SETBP1: variants seen among roughly 807,000 people sequenced by gnomAD.
The protein encoded by SETBP1 is SET binding protein 1, also known as SET-binding protein.
SETBP1 carries 9 observed loss-of-function variants against 101.0 expected under a neutral mutation model. The ratio of observed to expected loss-of-function variants is 0.09; its 90% CI spans 0.05 to 0.16. SETBP1 has a LOEUF of 0.16. Among genes scored for constraint, SETBP1 ranks in the 10% least tolerant of loss-of-function variants. The pLI, the probability that SETBP1 is intolerant of heterozygous loss-of-function variation, is 1.00. For missense variants in SETBP1, 1,858 were observed against 2,033.8 expected (o/e 0.91, Z 1.66); for synonymous variants, 818 against 788.5 (o/e 1.04, Z -0.63).
chr18:44,913,129 C>T (rs181431481), intron 3 of SETBP1, among the ~76,000 whole-genome samples: 34 of 152,336 alleles, frequency 2.2e-4, no homozygotes, highest in African/African-American at 7.9e-4. Context: ...CTTTCCTGAT[C>T]CAGCAGATTA....
chr18:44,864,454 G>A (rs1016423404), intron 2 of SETBP1, among the ~76,000 whole-genome samples: 1 of 152,058 alleles, frequency 6.6e-6, no homozygotes, highest in Non-Finnish European at 1.5e-5. Context: ...GAGAGAGAGA[G>A]AAAATAAGAA....
intron 3 of SETBP1, among the ~76,000 whole-genome samples, chr18:44,895,155 G>GAGGGA (rs1232734318): frequency 8.0e-6 from 1 of 124,530 alleles, no homozygotes; most frequent in East Asian, 2.6e-4. Context: ...GAAAGGAGAA[G>GAGGGA]AGGGAAGGGA....
intron 2 of SETBP1, among the ~76,000 whole-genome samples, chr18:44,756,905 AG>A (rs2070509216): frequency 6.6e-6 from 1 of 152,212 alleles, no homozygotes; most frequent in Non-Finnish European, 1.5e-5. Flanking sequence ...GGAGAGCACC[AG>A]GGAACAGTTT....
chr18:45,042,062 G>A (rs1187901400), intron 5 of SETBP1, among the ~76,000 whole-genome samples: 2 of 151,290 alleles, frequency 1.3e-5, no homozygotes, highest in African/African-American at 2.4e-5. Flanking sequence ...TGAAACAAAT[G>A]TTTGAGAGGC....
intron 2 of SETBP1, among the ~76,000 whole-genome samples, chr18:44,736,292 T>A (rs2069965275): frequency 6.6e-6 from 1 of 152,130 alleles, no homozygotes; most frequent in Admixed American, 6.5e-5. Context: ...GGAAGAAGGA[T>A]CATTTGAGCC....
chr18:45,031,343 T>C (rs918771962), intron 4 of SETBP1, among the ~76,000 whole-genome samples: 24 of 152,170 alleles, frequency 1.6e-4, no homozygotes, highest in Admixed American at 2.0e-4. Flanking sequence ...GGAATTACGA[T>C]GTGGACAGCT....
chr18:44,794,304 T>C (rs559483568), intron 2 of SETBP1, among the ~76,000 whole-genome samples: 2 of 152,216 alleles, frequency 1.3e-5, no homozygotes, highest in Non-Finnish European at 2.9e-5. Flanking sequence ...ACTGAATTTT[T>C]GATGCACTAA....
At chr18:44,875,857 T>C (rs2069391001) in intron 3 of SETBP1, among the ~76,000 whole-genome samples, 1 of 152,232 alleles carries the variant, frequency 6.6e-6, no homozygotes, top group Non-Finnish European at 1.5e-5. Context: ...TCAGGTAGTC[T>C]GGCTCCAATA....
At chr18:44,766,110 G>A (rs1249697546) in intron 2 of SETBP1, among the ~76,000 whole-genome samples, 1 of 152,186 alleles carries the variant, frequency 6.6e-6, no homozygotes, top group African/African-American at 2.4e-5. Flanking sequence ...GTGTGTGTGT[G>A]GAATTGCTTC....
intron 3 of SETBP1, among the ~76,000 whole-genome samples, chr18:44,925,911 T>C (rs1197077559): frequency 6.6e-6 from 1 of 152,120 alleles, no homozygotes; most frequent in Non-Finnish European, 1.5e-5. Flanking sequence ...GTCATGCCAC[T>C]AATTAAGAGG....
intron 2 of SETBP1, among the ~76,000 whole-genome samples, chr18:44,765,552 C>T (rs763060849): frequency 2.6e-5 from 4 of 152,130 alleles, no homozygotes; most frequent in East Asian, 1.9e-4. Context: ...ATCCAGGCTA[C>T]GGAATAATTA....
At chr18:44,684,703 G>A (rs1405111841) in intron 1 of SETBP1, among the ~76,000 whole-genome samples, 1 of 151,672 alleles carries the variant, frequency 6.6e-6, no homozygotes, top group Non-Finnish European at 1.5e-5. Flanking sequence ...CTGGAGTGCA[G>A]TGGCGTGATC....
chr18:44,743,202 G>C (rs114333689), intron 2 of SETBP1, among the ~76,000 whole-genome samples: 1 of 152,170 alleles, frequency 6.6e-6, no homozygotes, highest in African/African-American at 2.4e-5. Context: ...ATGGTGGTGA[G>C]GGGAACAGAC....
chr18:44,696,578 G>A (rs2069021311), intron 1 of SETBP1, among the ~76,000 whole-genome samples: 2 of 152,328 alleles, frequency 1.3e-5, no homozygotes, highest in Middle Eastern at 6.8e-3. Flanking sequence ...TTGGGTATAA[G>A]TCACATCTAG....
At chr18:44,838,720 T>C (rs919372376) in intron 2 of SETBP1, among the ~76,000 whole-genome samples, 1 of 152,214 alleles carries the variant, frequency 6.6e-6, no homozygotes, top group African/African-American at 2.4e-5. Context: ...AGAAACTGTC[T>C]TCTCAGCTCT....
intron 2 of SETBP1, among the ~76,000 whole-genome samples, chr18:44,832,685 G>T (rs1335029859): frequency 2.6e-5 from 4 of 152,186 alleles, no homozygotes; most frequent in Non-Finnish European, 5.9e-5. Context: ...CTGAGGCAGG[G>T]CTGATGGGCC....
chr18:44,877,333 T>C (rs2069429511), intron 3 of SETBP1: 4 of 877,426 alleles, frequency 4.6e-6, no homozygotes, highest in Admixed American at 6.2e-5. Context: ...ATCTGGTCCT[T>C]CATCAAAGAT....
chr18:44,925,346 C>T (rs1410814720), intron 3 of SETBP1, among the ~76,000 whole-genome samples: 2 of 152,076 alleles, frequency 1.3e-5, no homozygotes, highest in African/African-American at 4.8e-5. Flanking sequence ...TAGCCTGCAC[C>T]AGAGCTGGGA....
chr18:44,924,123 G>T (rs1436518978), intron 3 of SETBP1, among the ~76,000 whole-genome samples: 1 of 152,186 alleles, frequency 6.6e-6, no homozygotes. Flanking sequence ...TGGCCCAGTT[G>T]TAGATGTGGG....
Sources: gnomAD v4.1 joint callset for allele counts (sites outside exome capture counted in the v4.1 genomes callset) on GRCh38, gnomAD v4.1.1 for gene constraint, MANE v1.5 for transcripts, NCBI Gene and HGNC (gene_info 2026-07-23, HGNC 2026-07-21) for gene names.